Variants in KCNIP4 observed in about 807,000 individuals in gnomAD.
The protein encoded by KCNIP4 is Kv channel-interacting protein 4.
In KCNIP4, 12 loss-of-function variants were observed where a neutral mutation model predicts 34.0. The ratio of observed to expected loss-of-function variants is 0.35; its 90% CI spans 0.23 to 0.57. The LOEUF (loss-of-function observed/expected upper bound fraction) is 0.57. Ranked by LOEUF, KCNIP4 falls within the 20% of genes least tolerant of loss-of-function variation. The pLI is 0.83. For missense variants in KCNIP4, 238 were observed against 311.7 expected (o/e 0.76, Z 1.78); for synonymous variants, 124 against 102.2 (o/e 1.21, Z -1.29).
In KCNIP4 at chr4:21,484,050, G is replaced by C. The variant is rs532352292; in HGVS notation, c.61+464521C>G. Among the ~76,000 whole-genome samples, 8 of 151,890 alleles carry C rather than the reference G, an allele frequency of 5.3e-5. No homozygotes were observed. In the South Asian group the frequency reaches 1.7e-3, roughly 32 times the overall value. The stretch of plus-strand genomic sequence containing the variant: ...ACCCAGTTGCAGGTATTTCTTTGTA[G>C]CAGCGTGATAATGGACTAATAAATT... On this transcript the variant is annotated intron_variant, in intron 1 of 8. Transcript: ENST00000382152.
intron 1 of KCNIP4, among the ~76,000 whole-genome samples, chr4:21,288,899 C>A (rs1763276822): frequency 6.6e-6 from 1 of 152,202 alleles, no homozygotes; most frequent in Non-Finnish European, 1.5e-5. Flanking sequence ...CTCCAAAGGA[C>A]AGGATCTCAT....
intron 1 of KCNIP4, among the ~76,000 whole-genome samples, chr4:21,895,361 G>A (rs1027833157): frequency 2.6e-5 from 4 of 152,084 alleles, no homozygotes; most frequent in Non-Finnish European, 4.4e-5. Flanking sequence ...AGAGTTAAGG[G>A]TGCTGTGAAC....
intron 1 of KCNIP4, among the ~76,000 whole-genome samples, chr4:21,716,297 C>T (rs190726485): frequency 1.2e-3 from 185 of 152,094 alleles, no homozygotes; most frequent in Middle Eastern, 3.4e-3. Context: ...AGTGCAATGG[C>T]GTGATCTCGG....
chr4:21,789,434 G>C (rs983430119), intron 1 of KCNIP4, among the ~76,000 whole-genome samples: 3 of 152,090 alleles, frequency 2.0e-5, no homozygotes, highest in Non-Finnish European at 4.4e-5. Flanking sequence ...ACTAGATGGC[G>C]GTACCTACAC....
At chr4:21,928,988 T>C (rs541884592) in intron 1 of KCNIP4, among the ~76,000 whole-genome samples, 3 of 152,166 alleles carry the variant, frequency 2.0e-5, no homozygotes, top group Non-Finnish European at 4.4e-5. Flanking sequence ...TAGAGAGACA[T>C]ATACAGCAAT....
intron 1 of KCNIP4, among the ~76,000 whole-genome samples, chr4:21,486,778 A>G (rs780363539): frequency 1.8e-4 from 28 of 152,054 alleles, no homozygotes; most frequent in Non-Finnish European, 4.0e-4. Flanking sequence ...TTATATTGCT[A>G]TGGCACCTTG....
intron 1 of KCNIP4, among the ~76,000 whole-genome samples, chr4:21,731,250 C>T (rs1240601345): frequency 2.0e-5 from 3 of 152,024 alleles, no homozygotes; most frequent in South Asian, 4.1e-4. Context: ...TCTTCTTTCT[C>T]ATATTATCTA....
chr4:21,442,893 A>T (rs1234500573), intron 1 of KCNIP4, among the ~76,000 whole-genome samples: 5 of 152,116 alleles, frequency 3.3e-5, no homozygotes, highest in African/African-American at 1.2e-4. Context: ...GGTCCCTAAA[A>T]CTTAACATGA....
At chr4:20,925,427 T>C (rs558581100) in intron 1 of KCNIP4, among the ~76,000 whole-genome samples, 78 of 152,248 alleles carry the variant, frequency 5.1e-4, no homozygotes, top group African/African-American at 1.9e-3. Flanking sequence ...AAAACCAAGA[T>C]GGCGATGAGA....
chr4:21,701,927 C>T (rs533925880), intron 1 of KCNIP4, among the ~76,000 whole-genome samples: 2 of 152,236 alleles, frequency 1.3e-5, no homozygotes, highest in East Asian at 3.9e-4. Context: ...TGGTCTCAAA[C>T]TCCTGACCTC....
chr4:21,134,039 AC>A (rs147396361), intron 1 of KCNIP4, among the ~76,000 whole-genome samples: 1,523 of 151,854 alleles, frequency 0.01, 28 homozygotes, highest in African/African-American at 0.035. Flanking sequence ...TTCTTATCTA[AC>A]CCCCCAAACC....
chr4:20,994,145 T>C (rs533776734), intron 1 of KCNIP4, among the ~76,000 whole-genome samples: 1 of 152,346 alleles, frequency 6.6e-6, no homozygotes, highest in African/African-American at 2.4e-5. Flanking sequence ...TTACCTTGTG[T>C]CACATAACCC....
intron 1 of KCNIP4, among the ~76,000 whole-genome samples, chr4:21,283,100 A>C (rs1483246651): frequency 6.6e-6 from 1 of 152,244 alleles, no homozygotes; most frequent in Non-Finnish European, 1.5e-5. Flanking sequence ...CCCATTTTCT[A>C]TGAATATATT....
Position 21,172,282 on chromosome 4 carries a change from T to C in KCNIP4, c.62-289573A>G, listed in dbSNP as rs559694099. Among the ~76,000 whole-genome samples the C allele has an allele frequency of 1.5e-3, 226 of 152,284 alleles. 2 individuals carry two copies. The highest frequency in any genetic ancestry group is 0.01 in the Middle Eastern group (3 of 294). On this transcript the variant is annotated intron_variant, in intron 1 of 8. Transcript: ENST00000382152. ...CCTGACCTCAAGCAATCCGCCGGCC[T>C]TGACCTCCCAAAGTGCTGGGATTAC...
chr4:21,882,001 C>A (rs1383071797), intron 1 of KCNIP4, among the ~76,000 whole-genome samples: 3 of 152,116 alleles, frequency 2.0e-5, no homozygotes, highest in Admixed American at 1.3e-4. Flanking sequence ...TGGGAAGGAT[C>A]AAGGCTGGTT....
At chr4:21,322,106 A>T (rs1263813334) in intron 1 of KCNIP4, among the ~76,000 whole-genome samples, 1 of 126,692 alleles carries the variant, frequency 7.9e-6, no homozygotes, top group Non-Finnish European at 1.6e-5. Context: ...GAAAAAGAGG[A>T]AGGGAAGGAA....
intron 1 of KCNIP4, among the ~76,000 whole-genome samples, chr4:21,736,555 A>G (rs112232552): frequency 7.0e-4 from 106 of 152,168 alleles, no homozygotes; most frequent in Non-Finnish European, 1.2e-3. Context: ...GAATGCCCAC[A>G]TTTTGAGGCT....
chr4:21,657,427 C>T (rs916444846), intron 1 of KCNIP4, among the ~76,000 whole-genome samples: 1 of 152,068 alleles, frequency 6.6e-6, no homozygotes, highest in Admixed American at 6.5e-5. Flanking sequence ...ACTTTTAATT[C>T]TCATTTCCTC....
intron 1 of KCNIP4, among the ~76,000 whole-genome samples, chr4:21,276,421 C>G (rs754896514): frequency 6.9e-6 from 1 of 144,932 alleles, no homozygotes; most frequent in Non-Finnish European, 1.5e-5. Flanking sequence ...AGGCTGGTCT[C>G]GAACGCTTGA....
Sources: gnomAD v4.1 joint callset for allele counts (sites outside exome capture counted in the v4.1 genomes callset) on GRCh38, gnomAD v4.1.1 for gene constraint, MANE v1.5 for transcripts, NCBI Gene and HGNC (gene_info 2026-07-23, HGNC 2026-07-21) for gene names.